Variants in TENM3 observed in about 807,000 individuals in gnomAD.
TENM3 encodes the protein teneurin-3.
Under a neutral mutation model 255.1 loss-of-function variants are expected in TENM3, and 63 were observed. That is an observed-to-expected ratio of 0.25 (90% confidence interval 0.20 to 0.30). The LOEUF (loss-of-function observed/expected upper bound fraction) is 0.30, where lower values mean the gene tolerates loss of function less well. Ranked by LOEUF, TENM3 falls within the 10% of genes least tolerant of loss-of-function variation. The probability of loss-of-function intolerance (pLI) is 1.00; values close to 1 mark genes in which losing one functional copy is unlikely to be tolerated. For missense variants in TENM3, 2,929 were observed against 3,461.1 expected, an observed-to-expected ratio of 0.85 and a Z score of 3.86; for synonymous variants, 1,306 against 1,322.3, an observed-to-expected ratio of 0.99 and a Z score of 0.27.
rs569544890 is a variant in TENM3 at position 182,416,298 on chromosome 4, T to A, written c.511+69369T>A. On this transcript the variant is annotated intron_variant, in intron 3 of 27. Transcript: ENST00000511685. ...AAACCTTCTGAGACATCTAGGAATG[T>A]GATATTTCTGACCAGCTGCAAAAAT... Among the ~76,000 whole-genome samples the A allele has an allele frequency of 5.3e-4, 81 of 152,322 alleles. 1 individual carries two copies. Among genetic ancestry groups the A allele is most frequent in the African/African-American group, 1.9e-3 (77 of 41,582 alleles).
chr4:181,746,694 T>C, the TENM3 span, among the ~76,000 whole-genome samples: 1 of 152,154 alleles, frequency 6.6e-6, no homozygotes, highest in African/African-American at 2.4e-5. Flanking sequence ...AGAAATCTAT[T>C]TGCCTCTCTT....
At chr4:182,223,438 C>T (rs1755961018) in intron 1 of TENM3, among the ~76,000 whole-genome samples, 1 of 151,948 alleles carries the variant, frequency 6.6e-6, no homozygotes, top group Non-Finnish European at 1.5e-5. Flanking sequence ...GTGACAAGAA[C>T]CATTCGGCCT....
At chr4:182,607,620 T>C (rs991792894) in intron 4 of TENM3, among the ~76,000 whole-genome samples, 1 of 152,196 alleles carries the variant, frequency 6.6e-6, no homozygotes, top group Admixed American at 6.5e-5. Flanking sequence ...TTAGAGTCTT[T>C]TGTGCATGAT....
chr4:182,105,590 G>A, the TENM3 span, among the ~76,000 whole-genome samples: 10 of 152,268 alleles, frequency 6.6e-5, no homozygotes, highest in Admixed American at 5.9e-4. Flanking sequence ...CCGAGGCTGC[G>A]GAAGTACCAG....
At chr4:182,335,214 AGC>A (rs1764026698) in intron 2 of TENM3, among the ~76,000 whole-genome samples, 8 of 131,362 alleles carry the variant, frequency 6.1e-5, no homozygotes, top group Non-Finnish European at 1.4e-4. Flanking sequence ...AAGAAGACAA[AGC>A]GGCCGGGCGC....
the TENM3 span, among the ~76,000 whole-genome samples, chr4:182,076,418 G>A: frequency 3.9e-5 from 6 of 152,004 alleles, no homozygotes; most frequent in South Asian, 6.2e-4. Context: ...TGGCCAGGAC[G>A]GTCTCGATCA....
Position 182,464,776 on chromosome 4 carries a change from A to G in TENM3, c.511+117847A>G, listed in dbSNP as rs1386286364. Among the ~76,000 whole-genome samples the G allele has an allele frequency of 2.0e-5, 3 of 152,318 alleles. No individual in the cohort carries two copies. The East Asian group carries it at 5.8e-4, about 29-fold the overall frequency. ...TTCTGTGAGATAGGTTTTGTGAGAG[A>G]ACCATAGTTCTGTATTGTACTGGTT... On this transcript the variant is annotated intron_variant, in intron 3 of 27. Coordinates refer to ENST00000511685, the MANE Select transcript of TENM3 (RefSeq NM_001080477.4).
the TENM3 span, among the ~76,000 whole-genome samples, chr4:182,070,556 G>A: frequency 1.3e-5 from 2 of 152,304 alleles, no homozygotes; most frequent in African/African-American, 4.8e-5. Context: ...GGTGGAGGAT[G>A]CAGTGAGCTG....
chr4:181,579,323 CG>C, the TENM3 span, among the ~76,000 whole-genome samples: 1 of 152,162 alleles, frequency 6.6e-6, no homozygotes, highest in Admixed American at 6.5e-5. Flanking sequence ...TACTCTGACT[CG>C]TTTGCAAACT....
chr4:182,237,925 A>T (rs1756994095), intron 1 of TENM3, among the ~76,000 whole-genome samples: 1 of 152,150 alleles, frequency 6.6e-6, no homozygotes, highest in African/African-American at 2.4e-5. Flanking sequence ...ATTTTGGAAA[A>T]TTTTCAAGTC....
the TENM3 span, among the ~76,000 whole-genome samples, chr4:181,631,039 A>C: frequency 6.6e-6 from 1 of 152,182 alleles, no homozygotes; most frequent in Non-Finnish European, 1.5e-5. Flanking sequence ...CAATAGGTTG[A>C]AATCAAAGAG....
chr4:182,227,349 T>C (rs777368856), intron 1 of TENM3, among the ~76,000 whole-genome samples: 13 of 152,164 alleles, frequency 8.5e-5, no homozygotes, highest in Non-Finnish European at 1.8e-4. Context: ...ATAGGGTCCC[T>C]GTGACTTCCT....
chr4:182,683,152 A>G (rs1343420516), intron 11 of TENM3, among the ~76,000 whole-genome samples: 2 of 152,292 alleles, frequency 1.3e-5, no homozygotes, highest in East Asian at 3.9e-4. Context: ...ACTCCTTAAG[A>G]GCTATGTGAT....
chr4:182,118,952 CA>C, the TENM3 span, among the ~76,000 whole-genome samples: 1 of 151,998 alleles, frequency 6.6e-6, no homozygotes, highest in Non-Finnish European at 1.5e-5. Flanking sequence ...AAAAGAACTG[CA>C]AAAAAATAGG....
chr4:181,962,578 G>C, the TENM3 span, among the ~76,000 whole-genome samples: 1 of 152,222 alleles, frequency 6.6e-6, no homozygotes. Flanking sequence ...ATATCCAGCT[G>C]TATGGCTTAA....
chr4:182,377,874 T>C (rs1767283857), intron 3 of TENM3, among the ~76,000 whole-genome samples: 1 of 152,154 alleles, frequency 6.6e-6, no homozygotes, highest in Admixed American at 6.5e-5. Flanking sequence ...AGTGAATGTC[T>C]TATTGTGTGA....
chr4:182,007,498 G>A, the TENM3 span, among the ~76,000 whole-genome samples: 2 of 151,838 alleles, frequency 1.3e-5, no homozygotes, highest in African/African-American at 4.8e-5. Context: ...TGTCTTTTTT[G>A]ATCTTTGTTG....
At chr4:181,532,869 A>G in the TENM3 span, among the ~76,000 whole-genome samples, 1 of 152,160 alleles carries the variant, frequency 6.6e-6, no homozygotes, top group Non-Finnish European at 1.5e-5. Context: ...GCATCTTATT[A>G]TGCATTCTGA....
At chr4:181,853,524 G>T in the TENM3 span, among the ~76,000 whole-genome samples, 1 of 152,082 alleles carries the variant, frequency 6.6e-6, no homozygotes, top group African/African-American at 2.4e-5. Context: ...TATCACTCTC[G>T]TTGACTTTCT....
Sources: allele counts gnomAD v4.1 joint callset (sites outside exome capture counted in the v4.1 genomes callset), GRCh38; gene constraint gnomAD v4.1.1; transcripts MANE v1.5; gene names NCBI Gene and HGNC (gene_info 2026-07-23, HGNC 2026-07-21).